CLTCL1: variants seen among roughly 807,000 people sequenced by gnomAD.
CLTCL1 encodes the protein clathrin heavy chain 2.
In CLTCL1, 159 loss-of-function variants were observed where a neutral mutation model predicts 190.0. The ratio of observed to expected loss-of-function variants is 0.84; its 90% CI spans 0.74 to 0.95. The LOEUF is 0.95. Among genes scored for constraint, CLTCL1 ranks in the 40% least tolerant of loss-of-function variants. The pLI is 0.00. For missense variants in CLTCL1, 1,878 were observed against 2,033.4 expected (o/e 0.92, Z 1.47); for synonymous variants, 752 against 769.6 (o/e 0.98, Z 0.38).
Position 19,229,920 on chromosome 22 carries a change from A to C in CLTCL1, c.1700T>G (p.Leu567Trp), listed in dbSNP as rs376291237. Residue 567 changes from leucine (L) to tryptophan (W), a missense_variant, in exon 11 of 33, where the codon TTG becomes TGG. Physicochemically the swap from Leu to Trp is moderately conservative, Grantham distance 61. Coordinates refer to ENST00000427926, the MANE Select transcript of CLTCL1 (RefSeq NM_007098.4). ...TGGGCGATTATTCTTCAAGGCATCC[A>C]ATAAGAAGGAAGTACACTGCTGAAT... is the stretch of plus-strand genomic sequence containing the variant. The part of the protein sequence containing the change: ...SLIQQCTSFL[L>W]DALKNNRPAE... The C allele has an allele frequency of 5.6e-6, 9 of 1,611,656 alleles. No individual in the cohort carries two copies. The highest frequency in any genetic ancestry group is 7.6e-6 in the Non-Finnish European group (9 of 1,179,014).
rs782625613 is a variant in CLTCL1, at chr22:19,188,083, C to G, written c.4332G>C (p.Gln1444His). ...GCAGGTAAGGCTTCACCAGGGGCAG[C>G]TGACCTGCCTGACAAGTTGAGGGAA... ...WTVSFFSKAG[Q>H]LPLVKPYLRS... The change falls in exon 28 of 33, where the codon CAG (glutamine) becomes CAC (histidine). Residue 1444 changes from glutamine (Q) to histidine (H), a missense_variant. Transcript: ENST00000427926. 1.4e-5 allele frequency: 23 copies of G among 1,614,010 alleles called. No individual in the cohort carries two copies. Among genetic ancestry groups the G allele is most frequent in the South Asian group, 1.1e-5 (1 of 91,084 alleles).
At chr22:19,195,965 G>A (rs879993344) in intron 26 of CLTCL1, among the ~76,000 whole-genome samples, 22 of 152,238 alleles carry the variant, frequency 1.4e-4, no homozygotes, top group Admixed American at 8.5e-4. Flanking sequence ...CCACAAGGGC[G>A]TGGTATGGTG....
In CLTCL1 at chr22:19,235,782, T is replaced by G. The variant is rs374515762; in HGVS notation, c.883A>C (p.Met295Leu). The change falls in exon 6 of 33, where the codon ATG becomes CTG. Residue 295 changes from methionine (M) to leucine (L), a missense_variant. By Grantham distance (15) the Met-to-Leu change is conservative. Transcript: ENST00000427926. ...ATTGTGTCAGCACTAATACGGTTCA[T>G]GCAGATGCACACGCCAGACTCTAGG... The part of the protein sequence containing the change: ...YDLESGVCIC[M>L]NRISADTIFV... The G allele has an allele frequency of 6.2e-7, 1 of 1,614,024 alleles. No homozygotes were observed. The highest frequency in any genetic ancestry group is 8.5e-7 in the Non-Finnish European group (1 of 1,179,876).
intron 26 of CLTCL1, among the ~76,000 whole-genome samples, chr22:19,192,540 C>G (rs1442452557): frequency 1.3e-5 from 2 of 152,184 alleles, no homozygotes; most frequent in Non-Finnish European, 2.9e-5. Flanking sequence ...GAGCTAAAGT[C>G]ATGCTGGGAT....
chr22:19,245,302 T>A (rs1285176057), intron 3 of CLTCL1, among the ~76,000 whole-genome samples: 1 of 149,348 alleles, frequency 6.7e-6, no homozygotes, highest in East Asian at 2.1e-4. Context: ...CAAACGATTC[T>A]CCTGCCTCAG....
intron 4 of CLTCL1, among the ~76,000 whole-genome samples, chr22:19,240,727 G>A (rs2086226825): frequency 6.6e-6 from 1 of 152,200 alleles, no homozygotes; most frequent in Non-Finnish European, 1.5e-5. Context: ...TACCACAAAA[G>A]GGTAAGTCAG....
chr22:19,277,035 T>A (rs1362833618), intron 1 of CLTCL1, among the ~76,000 whole-genome samples: 7 of 152,180 alleles, frequency 4.6e-5, no homozygotes, highest in Admixed American at 3.9e-4. Flanking sequence ...ATTGGACCAC[T>A]TAACATCTGT....
chr22:19,283,003 C>G (rs2087777173), intron 1 of CLTCL1, among the ~76,000 whole-genome samples: 1 of 151,828 alleles, frequency 6.6e-6, no homozygotes, highest in Admixed American at 6.6e-5. Flanking sequence ...TCCCAAGTAG[C>G]TGGGACTACA....
chr22:19,259,447 T>C (rs1197690702), intron 2 of CLTCL1, among the ~76,000 whole-genome samples: 1 of 152,008 alleles, frequency 6.6e-6, no homozygotes, highest in African/African-American at 2.4e-5. Context: ...CAATCTTCCA[T>C]CAAGCAAGTC....
rs782003508 is a variant in CLTCL1, at chr22:19,191,412, G to T, written c.4215C>A (p.Tyr1405Ter). Residue 1405 changes from tyrosine to a stop codon, truncating the protein, a stop_gained, in exon 27 of 33, where the codon TAC becomes TAA. Transcript: ENST00000427926. LOFTEE classifies it high-confidence loss of function. ...ITKVANVELC[Y>*]RALQFYLDYK... ...AATCCAAATAGAACTGCAGGGCTCT[G>T]TAACAGAGCTCGACGTTGGCAACCT... The T allele has an allele frequency of 3.7e-6, 6 of 1,613,798 alleles. No homozygotes were observed. The African/African-American group carries it at 6.7e-5, about 18-fold the overall frequency.
chr22:19,279,357 G>A lies in CLTCL1; in HGVS notation c.43-3527C>T, dbSNP rs541398324. On this transcript the variant is annotated intron_variant, in intron 1 of 32. Coordinates refer to ENST00000427926, the MANE Select transcript of CLTCL1 (RefSeq NM_007098.4). ...TCACCATATTAGCTAGGCTGGTCTCGAACTCCTGACCTCAAGTAATTTGCC... is the reference window on the plus strand; with the variant it reads ...TCACCATATTAGCTAGGCTGGTCTCAAACTCCTGACCTCAAGTAATTTGCC... Among the ~76,000 whole-genome samples, 53 of 151,988 alleles carry A rather than the reference G, an allele frequency of 3.5e-4. 1 individual carries two copies. In the South Asian group the frequency reaches 9.6e-3, roughly 27 times the overall value.
Position 19,210,103 on chromosome 22 carries a change from G to A in CLTCL1, c.3249+223C>T, listed in dbSNP as rs570307213. Among the ~76,000 whole-genome samples the A allele has an allele frequency of 2.6e-5, 4 of 152,248 alleles. No individual in the cohort carries two copies. In the South Asian group the frequency reaches 8.3e-4, roughly 32 times the overall value. ...GGAGTGCTGGGGAGTAATAGGGAAG[G>A]GGCAGACTAACAGCCAATGGAAGGA... On this transcript the variant is annotated intron_variant, in intron 20 of 32. Coordinates refer to ENST00000427926, the MANE Select transcript of CLTCL1 (RefSeq NM_007098.4).
chr22:19,261,532 G>C (rs1452076054), intron 2 of CLTCL1, among the ~76,000 whole-genome samples: 2 of 152,128 alleles, frequency 1.3e-5, no homozygotes, highest in South Asian at 2.1e-4. Flanking sequence ...AAGAACATTC[G>C]TGATTCACGA....
intron 1 of CLTCL1, among the ~76,000 whole-genome samples, chr22:19,288,324 T>A (rs1188153242): frequency 6.6e-6 from 1 of 152,210 alleles, no homozygotes; most frequent in East Asian, 1.9e-4. Context: ...AGCTTTATCA[T>A]ACATATGTAT....
Position 19,187,990 on chromosome 22 carries a change from C to T in CLTCL1, c.4425G>A (p.Glu1475=). ...CTTCCTGCACACCCACCTGATAGTC[C>T]TCCTCCTCTGTCAGCAGGTGGTTGA... The part of the protein sequence containing the change: ...EALNHLLTEE[E]DYQGLRASID... Residue 1475 remains glutamate (E), a synonymous_variant, in exon 28 of 33, where the codon GAG becomes GAA. Transcript: ENST00000427926. 6.2e-7 allele frequency: 1 copy of T among 1,613,640 alleles called. No individual in the cohort carries two copies. The highest frequency in any genetic ancestry group is 8.5e-7 in the Non-Finnish European group (1 of 1,179,528).
At chr22:19,251,615 C>T (rs2086594213) in intron 3 of CLTCL1, among the ~76,000 whole-genome samples, 1 of 152,228 alleles carries the variant, frequency 6.6e-6, no homozygotes, top group Non-Finnish European at 1.5e-5. Flanking sequence ...CGCCACCGTG[C>T]CCGGCTAATT....
intron 1 of CLTCL1, among the ~76,000 whole-genome samples, chr22:19,282,998 A>G (rs2087776982): frequency 6.6e-6 from 1 of 151,446 alleles, no homozygotes; most frequent in South Asian, 2.1e-4. Flanking sequence ...CAGCCTCCCA[A>G]GTAGCTGGGA....
At chr22:19,227,491 G>A (rs1185157910) in intron 11 of CLTCL1, among the ~76,000 whole-genome samples, 2 of 130,772 alleles carry the variant, frequency 1.5e-5, no homozygotes, top group African/African-American at 5.8e-5. Context: ...TCGCTCTGTT[G>A]CCAGGCTGCA....
At position 19,226,403 on chromosome 22, in the gene CLTCL1, G is replaced by C; in HGVS notation, c.1783-20C>G. The C allele has an allele frequency of 1.9e-6, 3 of 1,613,654 alleles. No individual in the cohort carries two copies. Among genetic ancestry groups the C allele is most frequent in the Non-Finnish European group, 2.5e-6 (3 of 1,179,620 alleles). On this transcript the variant is annotated intron_variant, in intron 11 of 32. Transcript: ENST00000427926. The stretch of plus-strand genomic sequence containing the variant: ...TGCAACCTATGAAACAGGGAGTTCG[G>C]TGAGAAGCCCTGATCAATGGCAATA...
Sources: gnomAD v4.1 joint callset for allele counts (sites outside exome capture counted in the v4.1 genomes callset) on GRCh38, gnomAD v4.1.1 for gene constraint, MANE v1.5 for transcripts, NCBI Gene and HGNC (gene_info 2026-07-23, HGNC 2026-07-21) for gene names.